RALYL: variants seen among roughly 807,000 people sequenced by gnomAD.
RALYL encodes RNA-binding Raly-like protein.
RALYL carries 29 observed loss-of-function variants against 35.1 expected under a neutral mutation model. That is an observed-to-expected ratio of 0.83 (90% CI 0.61 to 1.13). The LOEUF (loss-of-function observed/expected upper bound fraction) is 1.13, where lower values mean the gene tolerates loss of function less well. RALYL is among the 50% of genes most tolerant of loss of function. The pLI is 0.00. For synonymous variants in RALYL, 120 were observed against 127.6 expected, an observed-to-expected ratio of 0.94 and a Z score of 0.40; for missense variants, 359 against 360.4, an observed-to-expected ratio of 1.00 and a Z score of 0.03.
In RALYL at chr8:84,248,917, C is replaced by T. The variant is rs1052523368; in HGVS notation, c.-24+64493C>T. ...TAAAGGTAGCTTGAAATACCTCAAACATAAATTATCCAGCTTGATTATGTC... is the reference window on the plus strand; with the variant it reads ...TAAAGGTAGCTTGAAATACCTCAAATATAAATTATCCAGCTTGATTATGTC... On this transcript the variant is annotated intron_variant, in intron 1 of 8. Coordinates refer to ENST00000521268, the MANE Select transcript of RALYL (RefSeq NM_173848.7). 3.9e-5 allele frequency among the ~76,000 whole-genome samples: 6 copies of T among 152,120 alleles called. No homozygotes were observed. In the East Asian group the frequency reaches 7.7e-4, roughly 20 times the overall value.
At chr8:84,850,253 A>G (rs2134795075) in intron 5 of RALYL, among the ~76,000 whole-genome samples, 1 of 152,310 alleles carries the variant, frequency 6.6e-6, no homozygotes, top group South Asian at 2.1e-4. Flanking sequence ...GCTCAAACCT[A>G]AGATTTGGTG....
At chr8:84,346,004 A>C in intron 1 of RALYL, 4 of 806,574 alleles carry the variant, frequency 5.0e-6, no homozygotes, top group Non-Finnish European at 6.0e-6. Flanking sequence ...TCCTTGGGAC[A>C]ATTATTATAA....
chr8:84,714,504 T>C (rs147277640), intron 2 of RALYL, among the ~76,000 whole-genome samples: 152 of 151,340 alleles, frequency 1.0e-3, no homozygotes, highest in African/African-American at 3.4e-3. Flanking sequence ...TATATATATA[T>C]AATTTTTATT....
At chr8:84,815,231 T>G (rs185914099) in intron 4 of RALYL, among the ~76,000 whole-genome samples, 12 of 152,310 alleles carry the variant, frequency 7.9e-5, no homozygotes, top group African/African-American at 2.9e-4. Flanking sequence ...GCCTCCACAC[T>G]GCCTATGCAG....
intron 3 of RALYL, 111 bp from the exon 4 acceptor site, chr8:84,804,659 A>G (rs1227470106): frequency 1.7e-5 from 7 of 415,398 alleles, no homozygotes; most frequent in Non-Finnish European, 2.8e-5. Flanking sequence ...GTGCTACATT[A>G]TGCATTTTCA....
At chr8:84,273,074 T>C (rs1403045419) in intron 1 of RALYL, among the ~76,000 whole-genome samples, 2 of 152,262 alleles carry the variant, frequency 1.3e-5, no homozygotes, top group Non-Finnish European at 2.9e-5. Flanking sequence ...CATAACGTTT[T>C]ATAGTCAGAG....
chr8:84,336,892 A>T (rs1847905063), intron 1 of RALYL, among the ~76,000 whole-genome samples: 1 of 151,874 alleles, frequency 6.6e-6, no homozygotes. Context: ...TGAGCCTAGG[A>T]GAGCAGGGCC....
chr8:84,391,427 A>G (rs1332220190), intron 1 of RALYL, among the ~76,000 whole-genome samples: 1 of 152,056 alleles, frequency 6.6e-6, no homozygotes, highest in Non-Finnish European at 1.5e-5. Context: ...TGTAGAAGTT[A>G]GGTTATATTC....
chr8:84,886,634 G>A lies in RALYL; in HGVS notation c.686-970G>A, dbSNP rs962408641. Among the ~76,000 whole-genome samples, 25 of 152,046 alleles carry A rather than the reference G, an allele frequency of 1.6e-4. 1 individual carries two copies. The highest frequency in any genetic ancestry group is 1.4e-3 in the Admixed American group (21 of 15,240). ...GGAACATACAATGATCTAATTTATCGGATACCCAACATTTCTTTGTATTAT... is the reference window on the plus strand; with the variant it reads ...GGAACATACAATGATCTAATTTATCAGATACCCAACATTTCTTTGTATTAT... On this transcript the variant is annotated intron_variant, in intron 7 of 8. Transcript: ENST00000521268.
chr8:84,460,602 A>G (rs1587468181), intron 1 of RALYL, among the ~76,000 whole-genome samples: 2 of 151,744 alleles, frequency 1.3e-5, no homozygotes, highest in Admixed American at 1.3e-4. Context: ...AAAAAGGGGG[A>G]AAAGCCTATA....
At chr8:84,669,695 A>G (rs1297109912) in intron 2 of RALYL, among the ~76,000 whole-genome samples, 2 of 152,056 alleles carry the variant, frequency 1.3e-5, no homozygotes, top group East Asian at 1.9e-4. Context: ...ACACCCTATC[A>G]TATAAGATGG....
chr8:84,655,321 G>A (rs1337389766), intron 2 of RALYL, among the ~76,000 whole-genome samples: 1 of 150,558 alleles, frequency 6.6e-6, no homozygotes, highest in Non-Finnish European at 1.5e-5. Context: ...GTCTTGTTTT[G>A]TTTTGTTTTT....
chr8:84,430,500 C>CA (rs1455389611), intron 1 of RALYL, among the ~76,000 whole-genome samples: 1 of 151,932 alleles, frequency 6.6e-6, no homozygotes, highest in Non-Finnish European at 1.5e-5. Flanking sequence ...CAAAGGACTA[C>CA]AAAAAACATC....
intron 3 of RALYL, among the ~76,000 whole-genome samples, chr8:84,802,309 T>C (rs746216849): frequency 1.3e-5 from 2 of 152,228 alleles, no homozygotes; most frequent in Non-Finnish European, 2.9e-5. Context: ...AGCTTGGGGC[T>C]ATACACAATC....
At chr8:84,717,232 T>C (rs1275642466) in intron 2 of RALYL, among the ~76,000 whole-genome samples, 2 of 152,134 alleles carry the variant, frequency 1.3e-5, no homozygotes, top group African/African-American at 4.8e-5. Context: ...CTCTTTTTGG[T>C]CTCTGAAAAT....
At chr8:84,655,654 C>T (rs1045220413) in intron 2 of RALYL, among the ~76,000 whole-genome samples, 6 of 151,934 alleles carry the variant, frequency 3.9e-5, no homozygotes, top group Non-Finnish European at 7.4e-5. Context: ...CCTATGGAGT[C>T]GTTTGAGCTC....
intron 1 of RALYL, among the ~76,000 whole-genome samples, chr8:84,437,263 C>A (rs1031910531): frequency 6.6e-5 from 10 of 152,148 alleles, no homozygotes; most frequent in Admixed American, 5.2e-4. Context: ...TTCATGCAAT[C>A]CACCATCAAT....
At chr8:84,888,601 A>G (rs1027579577) in intron 8 of RALYL, among the ~76,000 whole-genome samples, 4 of 152,184 alleles carry the variant, frequency 2.6e-5, no homozygotes, top group Non-Finnish European at 5.9e-5. Context: ...CCAGTTTAAT[A>G]CTGTACCTTT....
intron 1 of RALYL, among the ~76,000 whole-genome samples, chr8:84,261,333 A>AAGGG (rs1832262374): frequency 6.6e-6 from 1 of 152,168 alleles, no homozygotes; most frequent in African/African-American, 2.4e-5. Context: ...CGTGTGGTGG[A>AAGGG]AGGGACCAGG....
Sources: allele counts gnomAD v4.1 joint callset (sites outside exome capture counted in the v4.1 genomes callset), GRCh38; gene constraint gnomAD v4.1.1; transcripts MANE v1.5; gene names NCBI Gene and HGNC (gene_info 2026-07-23, HGNC 2026-07-21).